The following ABLIM1 variants were observed in gnomAD, a reference collection of about 807,000 sequenced individuals.
The protein encoded by ABLIM1 is actin-binding LIM protein 1.
Under a neutral mutation model 107.0 loss-of-function variants are expected in ABLIM1, and 40 were observed. That is an observed-to-expected ratio of 0.37 (90% CI 0.29 to 0.49). ABLIM1 has a LOEUF of 0.49. Ranked by LOEUF, ABLIM1 falls within the 20% of genes least tolerant of loss-of-function variation. The probability of loss-of-function intolerance (pLI) is 0.97; values close to 1 mark genes in which losing one functional copy is unlikely to be tolerated. For missense variants in ABLIM1, 857 were observed against 1,008.5 expected (o/e 0.85, Z 2.04); for synonymous variants, 357 against 357.3 (o/e 1.00, Z 0.01).
intron 1 of ABLIM1, among the ~76,000 whole-genome samples, chr10:114,646,793 C>G (rs2079029760): frequency 6.6e-6 from 1 of 152,004 alleles, no homozygotes; most frequent in Non-Finnish European, 1.5e-5. Flanking sequence ...AGAAGTTAAC[C>G]AGGAAATGTG....
intron 6 of ABLIM1, among the ~76,000 whole-genome samples, chr10:114,541,736 A>G (rs912439150): frequency 2.0e-5 from 3 of 152,242 alleles, no homozygotes; most frequent in Admixed American, 1.3e-4. Flanking sequence ...ACCTGAAGCC[A>G]ATTTGAGAAG....
chr10:114,712,108 G>A (rs181944819), intron 1 of ABLIM1, among the ~76,000 whole-genome samples: 2 of 152,000 alleles, frequency 1.3e-5, no homozygotes, highest in Non-Finnish European at 2.9e-5. Flanking sequence ...ATCCCAGCAC[G>A]TTGGGAGGCC....
chr10:114,684,352 A>G (rs781052236), exon 1 of ABLIM1: 3 of 1,614,102 alleles, frequency 1.9e-6, no homozygotes, highest in Non-Finnish European at 2.5e-6. Flanking sequence ...GGTCATTAAC[A>G]TGCACAAAGC....
chr10:114,659,957 T>A (rs2079715214), upstream of ABLIM1, among the ~76,000 whole-genome samples: 1 of 152,192 alleles, frequency 6.6e-6, no homozygotes, highest in African/African-American at 2.4e-5. Context: ...AAGTTCCTAA[T>A]CTATTGGCAA....
At chr10:114,709,179 A>C (rs1429832994) in intron 1 of ABLIM1, among the ~76,000 whole-genome samples, 1 of 152,206 alleles carries the variant, frequency 6.6e-6, no homozygotes, top group Non-Finnish European at 1.5e-5. Context: ...GAGTCATGAT[A>C]TGGAAATGCA....
At chr10:114,491,681 A>T (rs1248635828) in intron 7 of ABLIM1, 110 bp downstream of exon 7, 11 of 1,015,830 alleles carry the variant, frequency 1.1e-5, no homozygotes, top group Non-Finnish European at 8.8e-6. Context: ...GGATTTGGGT[A>T]GCCTCACAGC....
At chr10:114,627,455 G>A (rs1275420104) in intron 1 of ABLIM1, among the ~76,000 whole-genome samples, 1 of 152,096 alleles carries the variant, frequency 6.6e-6, no homozygotes, top group Admixed American at 6.5e-5. Context: ...AGGTGGTAAA[G>A]AAGCAAAGGG....
intron 4 of ABLIM1, among the ~76,000 whole-genome samples, chr10:114,548,070 G>C (rs2067592608): frequency 6.6e-6 from 1 of 152,170 alleles, no homozygotes; most frequent in South Asian, 2.1e-4. Context: ...CTGAGCTACA[G>C]ATCGCCCAGA....
At chr10:114,748,429 C>T (rs2082431436) in intron 1 of ABLIM1, among the ~76,000 whole-genome samples, 1 of 152,080 alleles carries the variant, frequency 6.6e-6, no homozygotes, top group South Asian at 2.1e-4. Flanking sequence ...GAGCCTGACA[C>T]AAAGACAACA....
At chr10:114,611,158 A>AG (rs1304889978) in intron 1 of ABLIM1, among the ~76,000 whole-genome samples, 1 of 151,782 alleles carries the variant, frequency 6.6e-6, no homozygotes, top group Non-Finnish European at 1.5e-5. Context: ...TCTCAAAAAA[A>AG]AAAAAAAAAT....
At chr10:114,693,505 G>A (rs747536863) in intron 1 of ABLIM1, among the ~76,000 whole-genome samples, 4 of 152,186 alleles carry the variant, frequency 2.6e-5, no homozygotes, top group Non-Finnish European at 4.4e-5. Flanking sequence ...CCTACAGGAC[G>A]TGTCCCTGTC....
intron 4 of ABLIM1, among the ~76,000 whole-genome samples, chr10:114,553,189 C>T (rs2068292249): frequency 6.6e-6 from 1 of 152,138 alleles, no homozygotes; most frequent in Admixed American, 6.5e-5. Flanking sequence ...ATGGGGCTAG[C>T]TATAAAAAAA....
intron 2 of ABLIM1, among the ~76,000 whole-genome samples, chr10:114,601,049 TACACAC>T (rs59709817): frequency 0.012 from 1,488 of 128,498 alleles, 19 homozygotes; most frequent in African/African-American, 0.021. Context: ...CACATCTCAA[TACACAC>T]ACACACACAC....
chr10:114,469,595 C>G (rs933398419), intron 10 of ABLIM1, among the ~76,000 whole-genome samples: 5 of 152,244 alleles, frequency 3.3e-5, no homozygotes, highest in African/African-American at 7.2e-5. Context: ...CCCTGGTACG[C>G]TTTCTCTTTA....
At chr10:114,730,152 C>G (rs954957026) in intron 1 of ABLIM1, among the ~76,000 whole-genome samples, 7 of 152,220 alleles carry the variant, frequency 4.6e-5, no homozygotes, top group African/African-American at 1.7e-4. Context: ...GATCCCTGCA[C>G]TTTGGGAGGC....
chr10:114,502,741 C>T (rs1186873091), intron 6 of ABLIM1, among the ~76,000 whole-genome samples: 1 of 152,186 alleles, frequency 6.6e-6, no homozygotes, highest in African/African-American at 2.4e-5. Context: ...AAGTGATCCA[C>T]CCACCTGGCC....
At chr10:114,541,654 G>C (rs924856502) in intron 6 of ABLIM1, among the ~76,000 whole-genome samples, 1 of 152,206 alleles carries the variant, frequency 6.6e-6, no homozygotes, top group Non-Finnish European at 1.5e-5. Context: ...ACTACTCCCA[G>C]ACGCCTCAAC....
At chr10:114,603,526 C>T (rs1261807322) in intron 1 of ABLIM1, among the ~76,000 whole-genome samples, 1 of 151,480 alleles carries the variant, frequency 6.6e-6, no homozygotes, top group East Asian at 1.9e-4. Flanking sequence ...TACAACATAA[C>T]TCAGTTATTA....
At chr10:114,623,300 G>A (rs954644483) in intron 1 of ABLIM1, among the ~76,000 whole-genome samples, 10 of 152,154 alleles carry the variant, frequency 6.6e-5, no homozygotes, top group South Asian at 4.2e-4. Context: ...GCCCCAACTC[G>A]CCCCCATGAA....
Sources: allele counts gnomAD v4.1 joint callset (sites outside exome capture counted in the v4.1 genomes callset), GRCh38; gene constraint gnomAD v4.1.1; transcripts MANE v1.5; gene names NCBI Gene and HGNC (gene_info 2026-07-23, HGNC 2026-07-21).